Variants in POMGNT1 observed in about 807,000 individuals in gnomAD.
POMGNT1 encodes the protein protein O-linked mannose N-acetylglucosaminyltransferase 1 (beta 1,2-), also known as protein O-linked-mannose beta-1,2-N-acetylglucosaminyltransferase 1.
In POMGNT1, 67 loss-of-function variants were observed where a neutral mutation model predicts 95.6. The observed-to-expected ratio is 0.70, with a 90% CI of 0.58 to 0.86. The LOEUF (loss-of-function observed/expected upper bound fraction) is 0.86, where lower values mean the gene tolerates loss of function less well. Ranked by LOEUF, POMGNT1 falls within the 40% of genes least tolerant of loss-of-function variation. The probability of loss-of-function intolerance (pLI) is 0.00; values close to 1 mark genes in which losing one functional copy is unlikely to be tolerated. For missense variants in POMGNT1, 719 were observed against 855.2 expected, an observed-to-expected ratio of 0.84 and a Z score of 1.99; for synonymous variants, 298 against 317.9, an observed-to-expected ratio of 0.94 and a Z score of 0.66.
At chr1:46,201,559 C>T (rs1000324694), upstream of POMGNT1, among the ~76,000 whole-genome samples, 16 of 151,374 alleles carry the variant, frequency 1.1e-4, no homozygotes, top group African/African-American at 3.9e-4. Context: ...ATTAGTCGGG[C>T]ATGGTGGCAC....
chr1:46,207,070 G>C (rs1658739656), intron 1 of POMGNT1, among the ~76,000 whole-genome samples: 1 of 151,846 alleles, frequency 6.6e-6, no homozygotes, highest in South Asian at 2.1e-4. Flanking sequence ...CTCTTTGTCT[G>C]GCTGAGTCCT....
At chr1:46,200,311 G>A (rs1658499961), upstream of POMGNT1, among the ~76,000 whole-genome samples, 1 of 152,118 alleles carries the variant, frequency 6.6e-6, no homozygotes. Context: ...AACTGACATT[G>A]GCAGTTCTAA....
intron 1 of POMGNT1, among the ~76,000 whole-genome samples, chr1:46,210,116 A>G (rs1658847735): frequency 6.6e-6 from 1 of 152,142 alleles, no homozygotes; most frequent in Non-Finnish European, 1.5e-5. Context: ...CAATTTCTCC[A>G]TTATCTTTGT....
chr1:46,220,248 T>A, exon 1 of POMGNT1: 1 of 1,567,462 alleles, frequency 6.4e-7, no homozygotes, highest in Non-Finnish European at 8.6e-7. Context: ...TGTAATCCTG[T>A]GGCTCTTTTA....
At chr1:46,210,821 T>C (rs1204214688) in intron 1 of POMGNT1, among the ~76,000 whole-genome samples, 4 of 152,072 alleles carry the variant, frequency 2.6e-5, no homozygotes, top group Admixed American at 6.6e-5. Flanking sequence ...GTTGCCCAGG[T>C]TGGAGTACAG....
intron 1 of POMGNT1, among the ~76,000 whole-genome samples, chr1:46,214,790 C>T (rs772654793): frequency 1.4e-5 from 2 of 144,238 alleles, no homozygotes; most frequent in Non-Finnish European, 3.0e-5. Context: ...CACTTGAACC[C>T]GAGAGGCAGA....
At chr1:46,215,393 T>C (rs1659035378) in intron 1 of POMGNT1, among the ~76,000 whole-genome samples, 1 of 152,144 alleles carries the variant, frequency 6.6e-6, no homozygotes, top group Non-Finnish European at 1.5e-5. Context: ...CTCCCAGAAC[T>C]GAAGAACGTC....
intron 18 of POMGNT1, 44 bp downstream of exon 18, chr1:46,190,675 CA>C: frequency 6.4e-7 from 1 of 1,574,394 alleles, no homozygotes; most frequent in Non-Finnish European, 8.7e-7. Flanking sequence ...GACTGGCCTC[CA>C]AATCTCCTAG....
rs553802144 is a variant in POMGNT1 at position 46,188,991 on chromosome 1, A to G, written c.*279T>C. On this transcript the variant is annotated 3_prime_UTR_variant, in exon 22 of 22. Transcript: ENST00000371984. ...GATTCTGAGCCAGGCCTGGAAAGTG[A>G]GGGTATTCAAAGGGCAGGATGAGCT... is the stretch of plus-strand genomic sequence containing the variant. The G allele has an allele frequency of 8.7e-6, 14 of 1,604,168 alleles. No homozygotes were observed. The highest frequency in any genetic ancestry group is 6.7e-5 in the Admixed American group (4 of 59,654).
At position 46,189,208 on chromosome 1, in the gene POMGNT1, G is replaced by A. The variant is rs142268597; in HGVS notation, c.*62C>T. On this transcript the variant is annotated 3_prime_UTR_variant, in exon 22 of 22. Transcript: ENST00000371984. ...CATCTACAAAATCCTACAGGATGGA[G>A]GGAAGGGCTAGCCAGCCTGGGGGTA... The A allele has an allele frequency of 5.1e-5, 80 of 1,566,474 alleles. No homozygotes were observed. The African/African-American group carries it at 8.2e-4, about 16-fold the overall frequency.
chr1:46,208,235 C>A (rs796844246), intron 1 of POMGNT1, among the ~76,000 whole-genome samples: 39 of 152,196 alleles, frequency 2.6e-4, no homozygotes, highest in African/African-American at 9.2e-4. Flanking sequence ...TCAAGCAGTC[C>A]GTTTGTGTCA....
intron 1 of POMGNT1, among the ~76,000 whole-genome samples, chr1:46,216,051 T>C (rs1168360625): frequency 7.4e-6 from 1 of 134,968 alleles, no homozygotes; most frequent in African/African-American, 2.7e-5. Context: ...ATCTTTTTTT[T>C]TTTTTTTTTT....
exon 1 of POMGNT1, chr1:46,220,233 C>A (rs1305650130): frequency 6.3e-7 from 1 of 1,585,960 alleles, no homozygotes; most frequent in East Asian, 2.2e-5. Flanking sequence ...ACTATTCCAC[C>A]CTTTTGTAAT....
At chr1:46,211,439 G>GCACA (rs57919535) in intron 1 of POMGNT1, among the ~76,000 whole-genome samples, 1,624 of 78,848 alleles carry the variant, frequency 0.021, 34 homozygotes, top group African/African-American at 0.054. Context: ...ATGAAAACCT[G>GCACA]CACACACACA....
rs1429912790 is a variant in POMGNT1, at chr1:46,192,894, C to T, written c.1211+6G>A. On this transcript the variant is annotated splice_donor_region_variant and intron_variant, in intron 14 of 21. Transcript: ENST00000371984. Reference sequence around the variant, plus strand: ...ACCTCAACTGAAACCTAGAGACTCCCCTCACCTGAAAAAATCCACAGCAAT... The same window carrying T: ...ACCTCAACTGAAACCTAGAGACTCCTCTCACCTGAAAAAATCCACAGCAAT... 4 of 1,614,140 alleles carry T rather than the reference C, an allele frequency of 2.5e-6. No individual in the cohort carries two copies. The highest frequency in any genetic ancestry group is 2.2e-5 in the East Asian group (1 of 44,880).
intron 1 of POMGNT1, 62 bp from the exon 2 acceptor site, chr1:46,197,933 G>A (rs1377636314): frequency 6.6e-7 from 1 of 1,508,490 alleles, no homozygotes; most frequent in Non-Finnish European, 9.0e-7. Context: ...TGCCTTCTGG[G>A]GAGATGAGGG....
rs370177785 is a variant in POMGNT1 at position 46,210,061 on chromosome 1, G to T, written c.-51+9644C>A. On this transcript the variant is annotated intron_variant, in intron 1 of 22. Coordinates refer to the POMGNT1 transcript ENST00000371992. Reference sequence around the variant, plus strand: ...ACAGTCTGATATTGCAGTTATTTATGTTCATCTCCCCTTATTGAGACTGCA... The same window carrying T: ...ACAGTCTGATATTGCAGTTATTTATTTTCATCTCCCCTTATTGAGACTGCA... Among the ~76,000 whole-genome samples, 84 of 152,214 alleles carry T rather than the reference G, an allele frequency of 5.5e-4. 2 individuals are homozygous for T. The South Asian group carries it at 0.016, about 29-fold the overall frequency.
chr1:46,191,982 C>T, intron 17 of POMGNT1, 116 bp downstream of exon 17: 2 of 1,443,240 alleles, frequency 1.4e-6, no homozygotes, highest in South Asian at 1.2e-5. Flanking sequence ...AATAGGATAG[C>T]TCTTTCCCCA....
chr1:46,203,487 A>C, intron 1 of POMGNT1: 1 of 1,534,018 alleles, frequency 6.5e-7, no homozygotes, highest in Non-Finnish European at 8.8e-7. Flanking sequence ...TAAGGTGGGC[A>C]GGAAGACCCC....
Sources: allele counts gnomAD v4.1 joint callset (sites outside exome capture counted in the v4.1 genomes callset), GRCh38; gene constraint gnomAD v4.1.1; transcripts MANE v1.5; gene names NCBI Gene and HGNC (gene_info 2026-07-23, HGNC 2026-07-21).